The following WDR35 variants were observed in gnomAD, a reference collection of about 807,000 sequenced individuals.
The protein encoded by WDR35 is WD repeat domain 35.
Under a neutral mutation model 158.3 loss-of-function variants are expected in WDR35, and 118 were observed. The observed-to-expected ratio is 0.75, with a 90% CI of 0.64 to 0.87. The LOEUF is 0.87. Among genes scored for constraint, WDR35 ranks in the 40% least tolerant of loss-of-function variants. The pLI, the probability that WDR35 is intolerant of heterozygous loss-of-function variation, is 0.00. For synonymous variants in WDR35, 448 were observed against 476.1 expected, an observed-to-expected ratio of 0.94 and a Z score of 0.77; for missense variants, 1,263 against 1,405.8, an observed-to-expected ratio of 0.90 and a Z score of 1.62.
intron 13 of WDR35, among the ~76,000 whole-genome samples, chr2:19,948,836 C>T (rs994524478): frequency 5.9e-5 from 9 of 151,916 alleles, no homozygotes; most frequent in Non-Finnish European, 1.0e-4. Flanking sequence ...ATCACTTGAA[C>T]CCAGGAGGCG....
At chr2:19,974,348 G>A (rs1403460634) in intron 7 of WDR35, 120 bp downstream of exon 7, 2 of 1,025,464 alleles carry the variant, frequency 2.0e-6, no homozygotes, top group Non-Finnish European at 2.8e-6. Context: ...GGCAGAAGTT[G>A]CCGTGAGCCA....
rs142041621 is a variant in WDR35 at position 19,938,078 on chromosome 2, C to T, written c.2064-132G>A. 5.1e-6 allele frequency: 7 copies of T among 1,368,046 alleles called. 1 individual carries two copies. In the African/African-American group the frequency reaches 8.7e-5, roughly 17 times the overall value. 84.7% of individuals were successfully genotyped at this position (1,368,046 alleles called of 1,614,324 possible). On this transcript the variant is annotated intron_variant, in intron 18 of 26. Coordinates refer to ENST00000281405, the MANE Select transcript of WDR35 (RefSeq NM_020779.4). ...CATGGTGGAAAGTAACATATGCAAACATTTTTCAAATAATTTTCTGCTTAT... is the reference window on the plus strand; with the variant it reads ...CATGGTGGAAAGTAACATATGCAAATATTTTTCAAATAATTTTCTGCTTAT...
At chr2:19,957,646 G>A (rs1671491850) in intron 11 of WDR35, among the ~76,000 whole-genome samples, 1 of 151,614 alleles carries the variant, frequency 6.6e-6, no homozygotes, top group Non-Finnish European at 1.5e-5. Flanking sequence ...TCTGCCTCCT[G>A]GGTTCAAGCG....
intron 11 of WDR35, among the ~76,000 whole-genome samples, chr2:19,959,919 A>T (rs1306294277): frequency 6.6e-6 from 1 of 152,064 alleles, no homozygotes; most frequent in African/African-American, 2.4e-5. Flanking sequence ...CTTGTTAATG[A>T]TTTTTAATAA....
In WDR35 at chr2:19,980,912, C is replaced by G. The variant is rs527989888; in HGVS notation, c.215-129G>C. The G allele has an allele frequency of 6.8e-5, 52 of 761,946 alleles. 3 individuals carry two copies. The South Asian group carries it at 7.8e-4, about 11-fold the overall frequency. The allele number at this position is 761,946 out of a possible 1,614,324, so 47.2% of individuals were successfully genotyped here. A position where few individuals can be genotyped will look rare whatever the true frequency, so the allele number is the denominator to read the frequency against. On this transcript the variant is annotated intron_variant, in intron 3 of 26. Transcript: ENST00000281405. ...GTACAGCTAACTAGTCTTTAATATTCCTCAAAACCTATTCATAAGATGCAG... is the reference window on the plus strand; with the variant it reads ...GTACAGCTAACTAGTCTTTAATATTGCTCAAAACCTATTCATAAGATGCAG...
chr2:19,978,959 T>G, intron 4 of WDR35, 80 bp from the exon 5 acceptor site: 1 of 1,571,002 alleles, frequency 6.4e-7, no homozygotes. Context: ...AAGCATTCCA[T>G]AAAGTACGCC....
chr2:19,947,688 G>A (rs1671102278), intron 14 of WDR35, among the ~76,000 whole-genome samples: 1 of 151,782 alleles, frequency 6.6e-6, no homozygotes, highest in Non-Finnish European at 1.5e-5. Context: ...TAAAATATCG[G>A]GCTACACAAA....
intron 10 of WDR35, among the ~76,000 whole-genome samples, chr2:19,964,376 CTTTTCTTTT>C (rs1671771054): frequency 9.9e-6 from 1 of 100,752 alleles, no homozygotes; most frequent in Non-Finnish European, 2.1e-5. Context: ...TCTTTCTTTT[CTTTTCTTTT>C]TTTTTTTTTT....
intron 25 of WDR35, among the ~76,000 whole-genome samples, chr2:19,915,834 C>T (rs996128713): frequency 6.7e-6 from 1 of 149,816 alleles, no homozygotes; most frequent in East Asian, 2.0e-4. Context: ...TATGTGAGAT[C>T]TAAAAAAGTT....
intron 25 of WDR35, among the ~76,000 whole-genome samples, chr2:19,924,099 T>A (rs1017172542): frequency 1.3e-5 from 2 of 152,156 alleles, no homozygotes; most frequent in Non-Finnish European, 2.9e-5. Context: ...CTGGTTTAGA[T>A]GCACAAGTGG....
intron 7 of WDR35, 102 bp from the exon 8 acceptor site, chr2:19,973,810 A>AT (rs1553322823): frequency 6.7e-7 from 1 of 1,494,632 alleles, no homozygotes; most frequent in Admixed American, 2.0e-5. Context: ...AACTTTCCAC[A>AT]TTTTTAAAAA....
intron 25 of WDR35, 49 bp downstream of exon 25, chr2:19,930,347 T>C (rs1246027349): frequency 3.1e-6 from 5 of 1,613,328 alleles, no homozygotes; most frequent in East Asian, 2.2e-5. Flanking sequence ...CCCTTCATAC[T>C]CAATTTATAA....
chr2:19,929,401 G>A (rs1340574689), intron 25 of WDR35, among the ~76,000 whole-genome samples: 1 of 152,096 alleles, frequency 6.6e-6, no homozygotes, highest in Non-Finnish European at 1.5e-5. Context: ...GTGATGATGT[G>A]AGCAGCAAAT....
At chr2:19,961,941 TG>T (rs1671675253) in intron 10 of WDR35, among the ~76,000 whole-genome samples, 1 of 152,192 alleles carries the variant, frequency 6.6e-6, no homozygotes, top group Non-Finnish European at 1.5e-5. Context: ...TTTACAGTCC[TG>T]ATTTGGCTCC....
intron 9 of WDR35, among the ~76,000 whole-genome samples, chr2:19,968,763 C>T (rs564927164): frequency 3.1e-4 from 47 of 152,300 alleles, no homozygotes; most frequent in Middle Eastern, 3.4e-3. Context: ...TTTACCAGGT[C>T]AATCTCACAT....
intron 22 of WDR35, 83 bp from the exon 23 acceptor site, chr2:19,932,530 T>G (rs1670558548): frequency 6.4e-7 from 1 of 1,558,134 alleles, no homozygotes; most frequent in Non-Finnish European, 8.8e-7. Context: ...AGCTTTAAGT[T>G]TATAGTAAAA....
rs551579274 is a variant in WDR35, at chr2:19,940,006, T to G, written c.1927-1605A>C. Reference sequence around the variant, plus strand: ...ATATTCAAAATAAAAAAAAAAGAAATAAATAAATAATGTCTTCTTTCCCTA... The same window carrying G: ...ATATTCAAAATAAAAAAAAAAGAAAGAAATAAATAATGTCTTCTTTCCCTA... On this transcript the variant is annotated intron_variant, in intron 17 of 26. Transcript: ENST00000281405. Among the ~76,000 whole-genome samples the G allele has an allele frequency of 2.0e-5, 3 of 149,730 alleles. No individual in the cohort carries two copies. In the East Asian group the frequency reaches 5.9e-4, roughly 29 times the overall value.
At chr2:19,969,976 T>C (rs1472801590) in intron 8 of WDR35, among the ~76,000 whole-genome samples, 4 of 152,138 alleles carry the variant, frequency 2.6e-5, no homozygotes, top group Non-Finnish European at 5.9e-5. Context: ...CTCGATCTCC[T>C]GACTTCATGA....
chr2:19,947,093 T>C (rs529635903), intron 14 of WDR35, among the ~76,000 whole-genome samples: 1 of 152,322 alleles, frequency 6.6e-6, no homozygotes, highest in African/African-American at 2.4e-5. Flanking sequence ...TTAGTTTAAA[T>C]AAGTTTAAAA....
Sources: allele counts gnomAD v4.1 joint callset (sites outside exome capture counted in the v4.1 genomes callset), GRCh38; gene constraint gnomAD v4.1.1; transcripts MANE v1.5; gene names NCBI Gene and HGNC (gene_info 2026-07-23, HGNC 2026-07-21).